Variants in CDH20 observed in about 807,000 individuals in gnomAD.
CDH20 encodes cadherin 20, also known as cadherin-20.
A neutral mutation model predicts 74.2 loss-of-function variants in CDH20; 29 were observed. The observed-to-expected ratio is 0.39, with a 90% CI of 0.29 to 0.53. The LOEUF (loss-of-function observed/expected upper bound fraction) is 0.53. Among genes scored for constraint, CDH20 ranks in the 20% least tolerant of loss-of-function variants. The pLI, the probability that CDH20 is intolerant of heterozygous loss-of-function variation, is 0.69. For missense variants in CDH20, 988 were observed against 1,048.3 expected (o/e 0.94, Z 0.79); for synonymous variants, 469 against 405.4 (o/e 1.16, Z -1.88).
intron 1 of CDH20, among the ~76,000 whole-genome samples, chr18:61,417,825 A>C (rs1032528867): frequency 2.0e-5 from 3 of 152,206 alleles, no homozygotes; most frequent in African/African-American, 7.2e-5. Context: ...TGTTCCTAAC[A>C]CAAGTAAATG....
intron 2 of CDH20, among the ~76,000 whole-genome samples, chr18:61,495,329 C>A (rs773413622): frequency 6.6e-6 from 1 of 152,172 alleles, no homozygotes; most frequent in Non-Finnish European, 1.5e-5. Flanking sequence ...GCTGGTAAAG[C>A]GGAATATTAA....
At chr18:61,541,950 C>T (rs557557960) in intron 9 of CDH20, among the ~76,000 whole-genome samples, 5 of 151,978 alleles carry the variant, frequency 3.3e-5, no homozygotes, top group African/African-American at 9.6e-5. Context: ...GCGGGCCATG[C>T]GCTCCCAACC....
At chr18:61,355,471 A>C (rs1910469067) in intron 1 of CDH20, among the ~76,000 whole-genome samples, 2 of 152,244 alleles carry the variant, frequency 1.3e-5, no homozygotes. Flanking sequence ...ACACAAGGAA[A>C]GAACACATGT....
chr18:61,449,077 A>G (rs888507233), intron 1 of CDH20, among the ~76,000 whole-genome samples: 1 of 152,192 alleles, frequency 6.6e-6, no homozygotes, highest in Admixed American at 6.5e-5. Context: ...AAAAAAGTTA[A>G]GAAGACCATA....
rs77160814 is a variant in CDH20 at position 61,344,306 on chromosome 18, C to T, written c.-153+10479C>T. On this transcript the variant is annotated intron_variant, in intron 1 of 11. Transcript: ENST00000262717. The stretch of plus-strand genomic sequence containing the variant: ...TGATAATGCCATGAGGTACAAATAT[C>T]ATCACCATTTAGTAGCTGAAGAAAT... Among the ~76,000 whole-genome samples the T allele has an allele frequency of 9.0e-3, 1,376 of 152,202 alleles. 20 individuals carry two copies. Among genetic ancestry groups the T allele is most frequent in the African/African-American group, 0.032 (1,319 of 41,530 alleles).
chr18:61,385,069 C>T (rs1180298932), intron 1 of CDH20, among the ~76,000 whole-genome samples: 1 of 152,128 alleles, frequency 6.6e-6, no homozygotes, highest in African/African-American at 2.4e-5. Flanking sequence ...TTTAGAAACG[C>T]TAAAGAACAT....
At chr18:61,390,505 T>C (rs567752021) in intron 1 of CDH20, among the ~76,000 whole-genome samples, 31 of 152,254 alleles carry the variant, frequency 2.0e-4, no homozygotes, top group Admixed American at 1.8e-3. Flanking sequence ...TTTTGAAGAA[T>C]AAATATTTAA....
chr18:61,540,556 T>G (rs1458427268), intron 9 of CDH20, among the ~76,000 whole-genome samples: 1 of 152,154 alleles, frequency 6.6e-6, no homozygotes, highest in Admixed American at 6.5e-5. Context: ...CTATCAGATC[T>G]TGTGAGACTT....
chr18:61,425,466 C>CG (rs1204564515), intron 1 of CDH20, among the ~76,000 whole-genome samples: 2 of 152,198 alleles, frequency 1.3e-5, no homozygotes, highest in African/African-American at 2.4e-5. Context: ...GCCCCTCAGA[C>CG]GGTGGTACCA....
chr18:61,493,724 G>A (rs564038936), intron 2 of CDH20, among the ~76,000 whole-genome samples: 2 of 152,314 alleles, frequency 1.3e-5, no homozygotes, highest in Admixed American at 6.5e-5. Context: ...TATCTACTCA[G>A]AATTCCAAAG....
intron 1 of CDH20, among the ~76,000 whole-genome samples, chr18:61,377,047 C>A (rs1911259398): frequency 6.6e-6 from 1 of 152,162 alleles, no homozygotes; most frequent in South Asian, 2.1e-4. Flanking sequence ...AGTGAGGCAG[C>A]TCTGCTCCAT....
chr18:61,408,042 C>T, intron 1 of CDH20, among the ~76,000 whole-genome samples: 1 of 152,142 alleles, frequency 6.6e-6, no homozygotes, highest in East Asian at 1.9e-4. Context: ...TGAGAACTCT[C>T]TGCACTATTT....
At chr18:61,360,548 G>A (rs1462869115) in intron 1 of CDH20, among the ~76,000 whole-genome samples, 4 of 152,162 alleles carry the variant, frequency 2.6e-5, no homozygotes, top group Admixed American at 2.0e-4. Context: ...GGAGGGTAGG[G>A]GAGAGCTGAG....
intron 1 of CDH20, among the ~76,000 whole-genome samples, chr18:61,389,401 T>TAC (rs10690250): frequency 0.76 from 115,545 of 151,946 alleles, 44,379 homozygotes; most frequent in East Asian, 0.99. Context: ...ATGGTGAAGT[T>TAC]ACAAATATTA....
intron 1 of CDH20, among the ~76,000 whole-genome samples, chr18:61,453,825 A>G (rs1909480153): frequency 6.6e-6 from 1 of 152,162 alleles, no homozygotes. Flanking sequence ...TAAATGCCCG[A>G]GTGCAACTGT....
At position 61,490,492 on chromosome 18, in the gene CDH20, G is replaced by T; in HGVS notation, c.-62G>T. On this transcript the variant is annotated 5_prime_UTR_variant, in exon 2 of 12. Coordinates refer to ENST00000262717, the MANE Select transcript of CDH20 (RefSeq NM_031891.4). ...AAAACTGTGTATTTTTTTAAATTTG[G>T]AAAATACTCAAGTTCCAGTTGCTTA... is the stretch of plus-strand genomic sequence containing the variant. The T allele has an allele frequency of 6.5e-7, 1 of 1,536,218 alleles. No homozygotes were observed. Among genetic ancestry groups the T allele is most frequent in the Admixed American group, 1.8e-5 (1 of 54,998 alleles).
chr18:61,540,660 G>A (rs578247915), intron 9 of CDH20, among the ~76,000 whole-genome samples: 30 of 152,228 alleles, frequency 2.0e-4, no homozygotes, highest in African/African-American at 6.3e-4. Context: ...AATTATGGGA[G>A]CTATAATTCA....
At chr18:61,461,742 T>C (rs1022137476) in intron 1 of CDH20, among the ~76,000 whole-genome samples, 1 of 152,144 alleles carries the variant, frequency 6.6e-6, no homozygotes, top group Non-Finnish European at 1.5e-5. Context: ...GTAGAGGGGC[T>C]CAAGAGCCCT....
intron 1 of CDH20, among the ~76,000 whole-genome samples, chr18:61,348,239 A>G (rs1039502477): frequency 6.6e-6 from 1 of 152,022 alleles, no homozygotes; most frequent in African/African-American, 2.4e-5. Context: ...TCATTCCCAC[A>G]CCTTGAGGAA....
Sources: allele counts gnomAD v4.1 joint callset (sites outside exome capture counted in the v4.1 genomes callset), GRCh38; gene constraint gnomAD v4.1.1; transcripts MANE v1.5; gene names NCBI Gene and HGNC (gene_info 2026-07-23, HGNC 2026-07-21).